Variants in PTPN2 observed in about 807,000 individuals in gnomAD.
The protein encoded by PTPN2 is protein tyrosine phosphatase non-receptor type 2.
In PTPN2, 19 loss-of-function variants were observed where a neutral mutation model predicts 57.3. That is an observed-to-expected ratio of 0.33 (90% confidence interval 0.23 to 0.49). The LOEUF (loss-of-function observed/expected upper bound fraction) is 0.49. Among genes scored for constraint, PTPN2 ranks in the 20% least tolerant of loss-of-function variants. The pLI, the probability that PTPN2 is intolerant of heterozygous loss-of-function variation, is 0.99. For synonymous variants in PTPN2, 153 were observed against 164.9 expected (o/e 0.93, Z 0.55); for missense variants, 358 against 501.1 (o/e 0.71, Z 2.73).
chr18:12,875,270 T>C (rs2044448104), intron 1 of PTPN2, among the ~76,000 whole-genome samples: 1 of 146,746 alleles, frequency 6.8e-6, no homozygotes, highest in Non-Finnish European at 1.5e-5. Flanking sequence ...CCCTGCCAAA[T>C]CCCTCTCTGT....
intron 1 of PTPN2, among the ~76,000 whole-genome samples, chr18:12,870,633 C>T (rs1351986515): frequency 1.4e-5 from 2 of 148,146 alleles, no homozygotes; most frequent in South Asian, 2.1e-4. Flanking sequence ...CTCAGCCTCC[C>T]GAGCAGCTGG....
chr18:12,863,528 AT>A (rs1299548911), intron 1 of PTPN2: 2 of 116,008 alleles, frequency 1.7e-5, no homozygotes, highest in Admixed American at 1.1e-4. Context: ...CACTACTGAC[AT>A]TTTAGGCTAG....
At position 12,884,153 on chromosome 18, in the gene PTPN2, C is replaced by G. The variant is rs560012272; in HGVS notation, c.-12G>C. 7.6e-6 allele frequency: 12 copies of G among 1,571,332 alleles called. No individual in the cohort carries two copies. The African/African-American group carries it at 1.1e-4, about 14-fold the overall frequency. On this transcript the variant is annotated 5_prime_UTR_variant, in exon 1 of 9. Transcript: ENST00000309660. ...ATGGTGGTGGGCATGGCTGCGGGAG[C>G]GAGCTGGCGCGAGCAGAGCCTGCGC... is the stretch of plus-strand genomic sequence containing the variant.
In PTPN2 at chr18:12,815,652, T is replaced by C. The variant is rs543256126; in HGVS notation, c.706-1297A>G. Among the ~76,000 whole-genome samples the C allele has an allele frequency of 3.9e-5, 6 of 152,302 alleles. No individual in the cohort carries two copies. The South Asian group carries it at 1.2e-3, about 32-fold the overall frequency. ...AAATAATCACCAGAGTTTTAAAACTTTGATGTAACAATCTAATTTTGATTG... is the reference window on the plus strand; with the variant it reads ...AAATAATCACCAGAGTTTTAAAACTCTGATGTAACAATCTAATTTTGATTG... On this transcript the variant is annotated intron_variant, in intron 6 of 8. Transcript: ENST00000309660.
chr18:12,839,726 TG>T (rs2042983229), intron 2 of PTPN2, among the ~76,000 whole-genome samples: 1 of 152,164 alleles, frequency 6.6e-6, no homozygotes, highest in Non-Finnish European at 1.5e-5. Context: ...TTCTTGTCAC[TG>T]AGTAAATGAA....
At chr18:12,794,833 G>A (rs1378093151) in intron 8 of PTPN2, among the ~76,000 whole-genome samples, 2 of 152,174 alleles carry the variant, frequency 1.3e-5, no homozygotes, top group African/African-American at 4.8e-5. Context: ...ATGTTGGCCA[G>A]GCTGGTCTTG....
intron 8 of PTPN2, among the ~76,000 whole-genome samples, chr18:12,797,901 A>G (rs747060537): frequency 2.0e-5 from 3 of 151,850 alleles, no homozygotes; most frequent in Non-Finnish European, 4.4e-5. Context: ...GGATTTTTGT[A>G]TTTTTTGTAG....
At chr18:12,810,666 G>C (rs1598760781) in intron 7 of PTPN2, among the ~76,000 whole-genome samples, 1 of 152,276 alleles carries the variant, frequency 6.6e-6, no homozygotes, top group South Asian at 2.1e-4. Flanking sequence ...AAATTCTACA[G>C]TTTGTTGTGT....
chr18:12,875,525 T>TA (rs1800442120), intron 1 of PTPN2, among the ~76,000 whole-genome samples: 1 of 151,940 alleles, frequency 6.6e-6, no homozygotes, highest in African/African-American at 2.4e-5. Context: ...TATTAAAAGT[T>TA]CAGTTTATTA....
At chr18:12,807,116 A>G (rs1412008004) in intron 7 of PTPN2, among the ~76,000 whole-genome samples, 1 of 152,184 alleles carries the variant, frequency 6.6e-6, no homozygotes, top group Non-Finnish European at 1.5e-5. Context: ...CCAATTAAAA[A>G]TAGGTAAAAG....
chr18:12,814,165 A>T, intron 7 of PTPN2, 38 bp downstream of exon 7: 2 of 1,426,014 alleles, frequency 1.4e-6, no homozygotes, highest in Non-Finnish European at 1.9e-6. Context: ...ATGTGTATTT[A>T]ACAAATAGAT....
chr18:12,875,211 T>C (rs2044446090), intron 1 of PTPN2, among the ~76,000 whole-genome samples: 1 of 152,106 alleles, frequency 6.6e-6, no homozygotes, highest in Admixed American at 6.5e-5. Context: ...ACCAGAGACC[T>C]TTGTTCACTT....
At position 12,884,074 on chromosome 18, in the gene PTPN2, A is replaced by G. The variant is rs2044773454; in HGVS notation, c.68T>C (p.Leu23Ser). ...CTGCCGCGTGGGTCCGCGACTCACC[A>G]AGTACAGCGGCTGCCAGCGACGCTG... is the stretch of plus-strand genomic sequence containing the variant. ...DTQRRWQPLY[L>S]EIRNESHDYP... Residue 23 changes from leucine (L) to serine (S), a missense_variant and splice_region_variant, in exon 1 of 9, where the codon TTG (leucine) becomes TCG (serine). By Grantham distance (145) the Leu-to-Ser change is moderately radical. Coordinates refer to ENST00000309660, the MANE Select transcript of PTPN2 (RefSeq NM_002828.4). 1.3e-6 allele frequency: 2 copies of G among 1,576,540 alleles called. No homozygotes were observed.
At chr18:12,878,304 G>T (rs1473973974) in intron 1 of PTPN2, among the ~76,000 whole-genome samples, 1 of 148,602 alleles carries the variant, frequency 6.7e-6, no homozygotes, top group African/African-American at 2.5e-5. Context: ...GTGACAAAGT[G>T]AGACCCAGTC....
chr18:12,808,195 T>C (rs184329780), intron 7 of PTPN2, among the ~76,000 whole-genome samples: 2 of 152,096 alleles, frequency 1.3e-5, no homozygotes, highest in Non-Finnish European at 2.9e-5. Context: ...TCGAAAAAAA[T>C]TTATATACAT....
chr18:12,865,438 T>C (rs1339319657), intron 1 of PTPN2, among the ~76,000 whole-genome samples: 1 of 129,490 alleles, frequency 7.7e-6, no homozygotes. Context: ...CTGTCTTTAT[T>C]AAAAAAAAAA....
chr18:12,881,221 G>C (rs35533206), intron 1 of PTPN2, among the ~76,000 whole-genome samples: 2 of 152,100 alleles, frequency 1.3e-5, no homozygotes, highest in East Asian at 3.9e-4. Flanking sequence ...GATCACCTGA[G>C]GTCAGGAGTT....
chr18:12,838,865 GTTCTT>G (rs1568132968), intron 2 of PTPN2, among the ~76,000 whole-genome samples: 1 of 151,716 alleles, frequency 6.6e-6, no homozygotes, highest in East Asian at 1.9e-4. Flanking sequence ...TAATTCTTCT[GTTCTT>G]TTAAGAAAAA....
chr18:12,809,249 G>T (rs891615514), intron 7 of PTPN2, among the ~76,000 whole-genome samples: 1 of 152,198 alleles, frequency 6.6e-6, no homozygotes, highest in Non-Finnish European at 1.5e-5. Context: ...CTGGGAGACA[G>T]TTGTGATTAA....
Sources: gnomAD v4.1 joint callset for allele counts (sites outside exome capture counted in the v4.1 genomes callset) on GRCh38, gnomAD v4.1.1 for gene constraint, MANE v1.5 for transcripts, NCBI Gene and HGNC (gene_info 2026-07-23, HGNC 2026-07-21) for gene names.